SLC5A10: variants seen among roughly 807,000 people sequenced by gnomAD.
SLC5A10 encodes the protein solute carrier family 5 member 10.
A neutral mutation model predicts 68.9 loss-of-function variants in SLC5A10; 55 were observed. That is an observed-to-expected ratio of 0.80 (90% CI 0.64 to 1.00). SLC5A10 has a LOEUF of 1.00. Among genes scored for constraint, SLC5A10 ranks in the 50% least tolerant of loss-of-function variants. SLC5A10 has a pLI of 0.00. For missense variants in SLC5A10, 732 were observed against 819.3 expected, an observed-to-expected ratio of 0.89 and a Z score of 1.30; for synonymous variants, 344 against 344.8, an observed-to-expected ratio of 1.00 and a Z score of 0.02.
chr17:18,983,167 T>C (rs1205731301), intron 9 of SLC5A10, among the ~76,000 whole-genome samples: 1 of 152,224 alleles, frequency 6.6e-6, no homozygotes, highest in African/African-American at 2.4e-5. Context: ...TGTCTCCCAG[T>C]AGCCCTGGGC....
chr17:18,962,602 G>A (rs1282850772), intron 5 of SLC5A10, among the ~76,000 whole-genome samples: 1 of 152,164 alleles, frequency 6.6e-6, no homozygotes, highest in Middle Eastern at 3.2e-3. Flanking sequence ...AGGTCTGATT[G>A]TAAGAGGTTG....
Position 19,018,489 on chromosome 17 carries a change from C to G in SLC5A10, c.1242-934C>G, listed in dbSNP as rs2044185829. 1 of 152,306 alleles carries G rather than the reference C, an allele frequency of 6.6e-6. No individual in the cohort carries two copies. Among genetic ancestry groups the G allele is most frequent in the African/African-American group, 2.4e-5 (1 of 41,434 alleles). 9.4% of individuals were successfully genotyped at this position (152,306 alleles called of 1,614,324 possible). On this transcript the variant is annotated intron_variant, in intron 11 of 14. Coordinates refer to ENST00000395645, the MANE Select transcript of SLC5A10 (RefSeq NM_001042450.4). This position sits in a 1 kb window ranked among gnomAD's most constrained non-coding sequence, Gnocchi z 4.2. ...AGGCTCATCTGTTTTCTTTGCTGGA[C>G]TCTGAGTGCTGGGCAGGCACCAGGT...
Position 19,013,535 on chromosome 17 carries a change from G to A in SLC5A10, c.1090+18G>A. On this transcript the variant is annotated intron_variant, in intron 10 of 14. Transcript: ENST00000395645. Reference sequence around the variant, plus strand: ...GCCCATCGGTGAGGCTGTGTGGGTGGGGGTCTGGGTGGAGGGCGTGGGGTT... The same window carrying A: ...GCCCATCGGTGAGGCTGTGTGGGTGAGGGTCTGGGTGGAGGGCGTGGGGTT... 2 of 1,447,924 alleles carry A rather than the reference G, an allele frequency of 1.4e-6. No individual in the cohort carries two copies. The highest frequency in any genetic ancestry group is 1.8e-6 in the Non-Finnish European group (2 of 1,098,956). 89.7% of individuals were successfully genotyped at this position (1,447,924 alleles called of 1,614,324 possible).
intron 9 of SLC5A10, among the ~76,000 whole-genome samples, chr17:18,980,724 T>A (rs2043109860): frequency 1.3e-5 from 2 of 152,060 alleles, no homozygotes; most frequent in African/African-American, 2.4e-5. Flanking sequence ...GCCAAGGGCA[T>A]CCCGAAGTAG....
At chr17:19,009,057 T>C (rs572085844) in intron 9 of SLC5A10, among the ~76,000 whole-genome samples, 41 of 138,978 alleles carry the variant, frequency 3.0e-4, no homozygotes, top group African/African-American at 1.0e-3. Context: ...AAGTGATTCA[T>C]CCACCTCAGC....
chr17:19,013,920 ATCC>A (rs1453860492), intron 10 of SLC5A10, among the ~76,000 whole-genome samples: 1 of 152,124 alleles, frequency 6.6e-6, no homozygotes, highest in African/African-American at 2.4e-5. Context: ...CTCCAAGTTC[ATCC>A]ATCTCCATGA....
chr17:18,994,614 G>A (rs1213822836), intron 9 of SLC5A10, among the ~76,000 whole-genome samples: 1 of 152,174 alleles, frequency 6.6e-6, no homozygotes, highest in Non-Finnish European at 1.5e-5. Flanking sequence ...TGGTGCTCAC[G>A]CAGGACCGGG....
At chr17:18,995,165 G>GA (rs146193120) in intron 9 of SLC5A10, among the ~76,000 whole-genome samples, 78 of 151,234 alleles carry the variant, frequency 5.2e-4, no homozygotes, top group African/African-American at 1.2e-3. Flanking sequence ...ATGCACATGA[G>GA]AAAAAAAAAT....
intron 4 of SLC5A10, 138 bp downstream of exon 4, chr17:18,959,801 T>C (rs556045197): frequency 1.0e-5 from 7 of 697,720 alleles, no homozygotes; most frequent in African/African-American, 2.5e-5. Flanking sequence ...GCCCGACTAA[T>C]ATTTCTATCA....
In SLC5A10 at chr17:19,015,101, G is replaced by C; in HGVS notation, c.1143G>C (p.Leu381=). 2.5e-6 allele frequency: 4 copies of C among 1,611,898 alleles called. No homozygotes were observed. Among genetic ancestry groups the C allele is most frequent in the Non-Finnish European group, 3.4e-6 (4 of 1,178,536 alleles). Residue 381 remains leucine, a synonymous_variant, in exon 11 of 15, where the codon CTG becomes CTC. Coordinates refer to ENST00000395645, the MANE Select transcript of SLC5A10 (RefSeq NM_001042450.4). ...TGCTGGCGGCGCTCATGTCGTCGCT[G>C]ACCTCCATCTTCAACAGCAGCAGCA... ...AVMLAALMSS[L]TSIFNSSSTL...
At chr17:18,959,814 C>G in intron 4 of SLC5A10, 151 bp downstream of exon 4, 2 of 666,272 alleles carry the variant, frequency 3.0e-6, no homozygotes, top group South Asian at 3.3e-5. Flanking sequence ...TTCTATCAAC[C>G]TGCTAAGGTG....
At position 19,017,641 on chromosome 17, in the gene SLC5A10, G is replaced by A. The variant is rs552872348; in HGVS notation, c.1242-1782G>A. 8.4e-6 allele frequency: 4 copies of A among 477,378 alleles called. No homozygotes were observed. Among genetic ancestry groups the A allele is most frequent in the Admixed American group, 3.5e-5 (1 of 28,244 alleles). 29.6% of individuals were successfully genotyped at this position (477,378 alleles called of 1,614,324 possible). A position where few individuals can be genotyped will look rare whatever the true frequency, so the allele number is the denominator to read the frequency against. On this transcript the variant is annotated intron_variant, in intron 11 of 14. Transcript: ENST00000395645. This position sits in a 1 kb window ranked among gnomAD's most constrained non-coding sequence, Gnocchi z 5.6. Reference sequence around the variant, plus strand: ...CCCCCACACCTCAGTCCACTGTTCCGCCACTGCCCCCCTGCCCCACTCTCC... The same window carrying A: ...CCCCCACACCTCAGTCCACTGTTCCACCACTGCCCCCCTGCCCCACTCTCC...
At chr17:18,979,725 A>C in intron 9 of SLC5A10, 2 of 1,605,390 alleles carry the variant, frequency 1.2e-6, no homozygotes, top group Non-Finnish European at 1.7e-6. Flanking sequence ...CTGACCACAC[A>C]GGGCGAGGGG....
upstream of SLC5A10, chr17:18,952,092 T>C: frequency 8.2e-6 from 12 of 1,468,716 alleles, no homozygotes; most frequent in Non-Finnish European, 1.1e-5. Flanking sequence ...GGGCTGGAGA[T>C]GCCACTGTCC....
rs112071038 is a variant in SLC5A10, at chr17:18,962,895, G to A, written c.453+2243G>A. 2.2e-3 allele frequency among the ~76,000 whole-genome samples: 336 copies of A among 152,310 alleles called. 3 individuals carry two copies. The highest frequency in any genetic ancestry group is 7.9e-3 in the African/African-American group (327 of 41,570). On this transcript the variant is annotated intron_variant, in intron 5 of 14. Coordinates refer to ENST00000395645, the MANE Select transcript of SLC5A10 (RefSeq NM_001042450.4). ...TTATACCTCACACTCGGAGAGTCCT[G>A]AAAGTGGATGGCTTGGGCGGAACTT...
chr17:18,965,836 G>A (rs1206387047), intron 5 of SLC5A10, among the ~76,000 whole-genome samples: 1 of 152,212 alleles, frequency 6.6e-6, no homozygotes, highest in Non-Finnish European at 1.5e-5. Context: ...AGGCCCCAGG[G>A]TCAGCCAGCA....
intron 9 of SLC5A10, among the ~76,000 whole-genome samples, chr17:19,011,723 G>T (rs188217414): frequency 6.6e-6 from 1 of 151,860 alleles, no homozygotes; most frequent in Non-Finnish European, 1.5e-5. Context: ...CCTGGCGTCC[G>T]GGAAGCCTGG....
intron 9 of SLC5A10, among the ~76,000 whole-genome samples, chr17:18,998,798 A>T (rs544676120): frequency 6.6e-6 from 1 of 152,208 alleles, no homozygotes; most frequent in Non-Finnish European, 1.5e-5. Flanking sequence ...TGCGCCCCAC[A>T]AGGTGTCAAC....
Position 19,021,893 on chromosome 17 carries a change from T to A in SLC5A10, c.*1462T>A. On this transcript the variant is annotated 3_prime_UTR_variant, in exon 15 of 15. Transcript: ENST00000395645. This position sits in a 1 kb window ranked among gnomAD's most constrained non-coding sequence, Gnocchi z 4.1. ...TGTGACTCTGACAGAGCTGGGGGTGTCCATGTCCTCTCTGGACCTCAGTTC... is the reference window on the plus strand; with the variant it reads ...TGTGACTCTGACAGAGCTGGGGGTGACCATGTCCTCTCTGGACCTCAGTTC... 7 of 1,414,246 alleles carry A rather than the reference T, an allele frequency of 4.9e-6. No homozygotes were observed. The highest frequency in any genetic ancestry group is 6.5e-6 in the Non-Finnish European group (7 of 1,080,138). 87.6% of individuals were successfully genotyped at this position (1,414,246 alleles called of 1,614,324 possible).
Sources: allele counts gnomAD v4.1 joint callset (sites outside exome capture counted in the v4.1 genomes callset), GRCh38; gene constraint gnomAD v4.1.1; non-coding constraint Gnocchi (gnomAD v3.1); transcripts MANE v1.5; gene names NCBI Gene and HGNC (gene_info 2026-07-23, HGNC 2026-07-21).